The following PPIL1 variants were observed in gnomAD, a reference collection of about 807,000 sequenced individuals.
PPIL1 encodes the protein peptidylprolyl isomerase like 1, also known as peptidyl-prolyl cis-trans isomerase-like 1.
A neutral mutation model predicts 19.4 loss-of-function variants in PPIL1; 14 were observed. The ratio of observed to expected loss-of-function variants is 0.72; its 90% CI spans 0.48 to 1.13. The LOEUF (loss-of-function observed/expected upper bound fraction) is 1.13. Ranked by LOEUF, PPIL1 falls within the 50% of genes most tolerant of loss-of-function variation. The pLI is 0.00. For missense variants in PPIL1, 192 were observed against 218.0 expected (o/e 0.88, Z 0.75); for synonymous variants, 72 against 73.6 (o/e 0.98, Z 0.11).
At chr6:36,862,874 T>G (rs1774318618) in intron 2 of PPIL1, among the ~76,000 whole-genome samples, 2 of 152,202 alleles carry the variant, frequency 1.3e-5, no homozygotes, top group Non-Finnish European at 2.9e-5. Context: ...TCCAAGGGGC[T>G]TTGTGGTTCT....
chr6:36,870,158 C>T (rs1774478992), intron 2 of PPIL1, among the ~76,000 whole-genome samples: 2 of 148,078 alleles, frequency 1.4e-5, no homozygotes, highest in South Asian at 2.1e-4. Context: ...AATCATGAGA[C>T]GATTAAGAAT....
In PPIL1 at chr6:36,859,811, TTGTGTGTGTG is replaced by T. The variant is rs71880744; in HGVS notation, c.212-3167_212-3158del. On this transcript the variant is annotated intron_variant, in intron 2 of 3. Coordinates refer to ENST00000373699, the MANE Select transcript of PPIL1 (RefSeq NM_016059.5). Reference sequence around the variant, plus strand: ...TGAAGATAGGCAGACCTGTTTTCTATTGTGTGTGTGTGTGTGTGTGTGTGTGTGTGTGTTT... The same window carrying T: ...TGAAGATAGGCAGACCTGTTTTCTATTGTGTGTGTGTGTGTGTGTGTGTTT... 1.0e-4 allele frequency among the ~76,000 whole-genome samples: 15 copies of T among 144,982 alleles called. No individual in the cohort carries two copies. The South Asian group carries it at 2.5e-3, about 24-fold the overall frequency.
At chr6:36,859,260 A>G (rs1774228707) in intron 2 of PPIL1, among the ~76,000 whole-genome samples, 1 of 152,016 alleles carries the variant, frequency 6.6e-6, no homozygotes. Context: ...CCCCATCACT[A>G]ATAAAAATAC....
intron 2 of PPIL1, among the ~76,000 whole-genome samples, chr6:36,864,159 C>T (rs1428519865): frequency 1.3e-5 from 2 of 152,018 alleles, no homozygotes. Context: ...AGCCTTGCCT[C>T]CCTCTTTCCC....
intron 2 of PPIL1, among the ~76,000 whole-genome samples, chr6:36,860,835 TA>T (rs554601753): frequency 0.024 from 3,387 of 144,040 alleles, 99 homozygotes; most frequent in African/African-American, 0.069. Flanking sequence ...TATGTACCCC[TA>T]AAAAAAAAAA....
chr6:36,857,486 A>ATT lies in PPIL1; in HGVS notation c.212-834_212-833dup, dbSNP rs551785530. On this transcript the variant is annotated intron_variant, in intron 2 of 3. Transcript: ENST00000373699. ...ACAGAGCGAGACCCTGACTCCATAAATTTTTTTTTTTTAGAGATGGGGTCT... is the reference window on the plus strand; with the variant it reads ...ACAGAGCGAGACCCTGACTCCATAAATTTTTTTTTTTTTTAGAGATGGGGTCT... Among the ~76,000 whole-genome samples the ATT allele has an allele frequency of 3.5e-3, 514 of 147,386 alleles. 2 individuals carry two copies. Among genetic ancestry groups the ATT allele is most frequent in the African/African-American group, 0.012 (480 of 40,368 alleles).
At chr6:36,860,440 T>C (rs534440602) in intron 2 of PPIL1, among the ~76,000 whole-genome samples, 148 of 151,612 alleles carry the variant, frequency 9.8e-4, no homozygotes, top group Non-Finnish European at 1.8e-3. Context: ...CCTGTCTGTC[T>C]CCAAAAAAAA....
chr6:36,871,528 G>A (rs1774510180), intron 2 of PPIL1, among the ~76,000 whole-genome samples, 190 bp downstream of exon 2: 1 of 151,640 alleles, frequency 6.6e-6, no homozygotes, highest in Admixed American at 6.6e-5. Context: ...TTCCACACAT[G>A]TGTGTTTGAG....
Position 36,855,668 on chromosome 6 carries a change from T to C in PPIL1, c.*145A>G. The C allele has an allele frequency of 1.3e-6, 1 of 758,080 alleles. No individual in the cohort carries two copies. The highest frequency in any genetic ancestry group is 2.2e-6 in the Non-Finnish European group (1 of 462,558). 47.0% of individuals were successfully genotyped at this position (758,080 alleles called of 1,614,324 possible). ...AGCATCCTATTAAAATGTACTTCCA[T>C]CTCTAACTCACCCAAGATGCCAGGC... On this transcript the variant is annotated 3_prime_UTR_variant, in exon 4 of 4. Coordinates refer to ENST00000373699, the MANE Select transcript of PPIL1 (RefSeq NM_016059.5).
chr6:36,874,786 G>A lies in PPIL1; in HGVS notation c.-14C>T, dbSNP rs568557163. On this transcript the variant is annotated 5_prime_UTR_variant, in exon 1 of 4. Coordinates refer to ENST00000373699, the MANE Select transcript of PPIL1 (RefSeq NM_016059.5). Reference sequence around the variant, plus strand: ...AATTGCCGCCATAGCGAAGCCGGCGGCGGAATGCTTGTCTAGTAATTGCTA... The same window carrying A: ...AATTGCCGCCATAGCGAAGCCGGCGACGGAATGCTTGTCTAGTAATTGCTA... 13 of 1,613,926 alleles carry A rather than the reference G, an allele frequency of 8.1e-6. No individual in the cohort carries two copies. In the Admixed American group the frequency reaches 1.5e-4, roughly 19 times the overall value.
chr6:36,856,577 T>C lies in PPIL1; in HGVS notation c.280+9A>G, dbSNP rs761475033. 1.9e-6 allele frequency: 3 copies of C among 1,613,466 alleles called. No homozygotes were observed. Among genetic ancestry groups the C allele is most frequent in the South Asian group, 1.1e-5 (1 of 91,062 alleles). On this transcript the variant is annotated intron_variant, in intron 3 of 3. Coordinates refer to ENST00000373699, the MANE Select transcript of PPIL1 (RefSeq NM_016059.5). ...GTTCCTACCCAGTCCAGCCAAATTATACACTTACCCGTGAATTTCAAGTCT... is the reference window on the plus strand; with the variant it reads ...GTTCCTACCCAGTCCAGCCAAATTACACACTTACCCGTGAATTTCAAGTCT...
Position 36,855,004 on chromosome 6 carries a change from A to G in PPIL1, c.*809T>C, listed in dbSNP as rs1465524453. 6.5e-6 allele frequency: 1 copy of G among 152,682 alleles called. No individual in the cohort carries two copies. The highest frequency in any genetic ancestry group is 1.5e-5 in the Non-Finnish European group (1 of 68,032). 9.5% of individuals were successfully genotyped at this position (152,682 alleles called of 1,614,324 possible). A position where few individuals can be genotyped will look rare whatever the true frequency, so the allele number is the denominator to read the frequency against. On this transcript the variant is annotated 3_prime_UTR_variant, in exon 4 of 4. Coordinates refer to ENST00000373699, the MANE Select transcript of PPIL1 (RefSeq NM_016059.5). ...TAAAGTCTTGGGTTAAAAGAACTTG[A>G]GTGGCGCTTCTCCTTTCTGAGAGTA...
intron 1 of PPIL1, among the ~76,000 whole-genome samples, chr6:36,873,775 G>A (rs1391479376): frequency 6.6e-6 from 1 of 152,156 alleles, no homozygotes; most frequent in Non-Finnish European, 1.5e-5. Context: ...GCAGCAATGG[G>A]CAAGAACAGA....
At chr6:36,862,723 A>G (rs1774315585) in intron 2 of PPIL1, among the ~76,000 whole-genome samples, 1 of 152,220 alleles carries the variant, frequency 6.6e-6, no homozygotes, top group Non-Finnish European at 1.5e-5. Context: ...AGAGATGACA[A>G]TAACTGCTCA....
intron 2 of PPIL1, among the ~76,000 whole-genome samples, chr6:36,860,241 C>T (rs553609823): frequency 1.8e-4 from 28 of 152,078 alleles, no homozygotes; most frequent in African/African-American, 6.7e-4. Context: ...CTGAAGGGGG[C>T]GGATCTCTTA....
Position 36,870,099 on chromosome 6 carries a change from TA to T in PPIL1, c.211+1618del, listed in dbSNP as rs11428614. ...TATTTTGAAATGCATCCATATACAT[TA>T]AAAAAAAAAAAACCCAAAAACCTGA... On this transcript the variant is annotated intron_variant, in intron 2 of 3. Coordinates refer to ENST00000373699, the MANE Select transcript of PPIL1 (RefSeq NM_016059.5). 1.2e-3 allele frequency among the ~76,000 whole-genome samples: 163 copies of T among 132,600 alleles called. 1 individual carries two copies. Among genetic ancestry groups the T allele is most frequent in the East Asian group, 2.0e-3 (9 of 4,504 alleles). 87.0% of individuals were successfully genotyped at this position (132,600 alleles called of 152,430 possible). A position where few individuals can be genotyped will look rare whatever the true frequency, so the allele number is the denominator to read the frequency against.
At chr6:36,874,662 T>G in intron 1 of PPIL1, 55 bp downstream of exon 1, 2 of 1,594,996 alleles carry the variant, frequency 1.3e-6, no homozygotes, top group Non-Finnish European at 8.6e-7. Flanking sequence ...AGACCCGTGG[T>G]GAGGCCCGGG....
Position 36,872,700 on chromosome 6 carries a change from C to T in PPIL1, c.57-828G>A, listed in dbSNP as rs186256735. Among the ~76,000 whole-genome samples, 8 of 152,206 alleles carry T rather than the reference C, an allele frequency of 5.3e-5. No individual in the cohort carries two copies. The East Asian group carries it at 1.5e-3, about 29-fold the overall frequency. On this transcript the variant is annotated intron_variant, in intron 1 of 3. Transcript: ENST00000373699. The stretch of plus-strand genomic sequence containing the variant: ...TCAGCTTATCGCAACCTCCACCTCC[C>T]GGGCTCAAGTGATCCTCTCACCTCA...
At chr6:36,859,781 C>A (rs942957081) in intron 2 of PPIL1, among the ~76,000 whole-genome samples, 5 of 145,822 alleles carry the variant, frequency 3.4e-5, no homozygotes, top group Non-Finnish European at 6.1e-5. Flanking sequence ...CTAGCACAGA[C>A]ACAATGAAGA....
Sources: gnomAD v4.1 joint callset for allele counts (sites outside exome capture counted in the v4.1 genomes callset) on GRCh38, gnomAD v4.1.1 for gene constraint, MANE v1.5 for transcripts, NCBI Gene and HGNC (gene_info 2026-07-23, HGNC 2026-07-21) for gene names.